Variants in ACYP2 observed in about 807,000 individuals in gnomAD.
ACYP2 encodes acylphosphatase-2.
Under a neutral mutation model 11.2 loss-of-function variants are expected in ACYP2, and 12 were observed. The observed-to-expected ratio is 1.08, with a 90% CI of 0.69 to 1.74. The LOEUF is 1.74. Ranked by LOEUF, ACYP2 falls within the 40% of genes most tolerant of loss-of-function variation. The pLI is 0.00. For missense variants in ACYP2, 134 were observed against 101.9 expected (o/e 1.31, Z -1.35); for synonymous variants, 43 against 32.2 (o/e 1.33, Z -1.13).
chr2:54,293,244 C>A (rs1401206277), intron 6 of ACYP2, among the ~76,000 whole-genome samples: 1 of 152,176 alleles, frequency 6.6e-6, no homozygotes, highest in Non-Finnish European at 1.5e-5. Flanking sequence ...ACTGTGCCAG[C>A]ACCTATTCTG....
rs139324015 is a variant in ACYP2, at chr2:54,177,439, G to C, written c.404+38691G>C. Among the ~76,000 whole-genome samples, 898 of 152,252 alleles carry C rather than the reference G, an allele frequency of 5.9e-3. 11 individuals are homozygous for C. The highest frequency in any genetic ancestry group is 0.014 in the Middle Eastern group (4 of 294). On this transcript the variant is annotated intron_variant, in intron 6 of 6. Coordinates refer to ENST00000607452, the MANE Select transcript of ACYP2 (RefSeq NM_001320586.2). ...GCCTAGGAATGGAAATAGCTCCCTA[G>C]TGCTGCCAGCCCTGGGGTGCTTCAT...
intron 2 of ACYP2, among the ~76,000 whole-genome samples, chr2:54,010,992 A>G (rs546199586): frequency 2.6e-5 from 4 of 151,964 alleles, no homozygotes; most frequent in Non-Finnish European, 5.9e-5. Context: ...TGGACTGCAC[A>G]TGCCTCCTTT....
At chr2:54,219,641 C>T (rs933320671) in intron 6 of ACYP2, among the ~76,000 whole-genome samples, 21 of 151,858 alleles carry the variant, frequency 1.4e-4, no homozygotes, top group Admixed American at 5.2e-4. Context: ...GTTTTTGAGA[C>T]GGAGTCTCGC....
chr2:53,976,297 T>G (rs1671484182), intron 2 of ACYP2, among the ~76,000 whole-genome samples: 1 of 152,184 alleles, frequency 6.6e-6, no homozygotes, highest in Non-Finnish European at 1.5e-5. Flanking sequence ...AGCCTCCACC[T>G]CCTGGGCTCA....
intron 6 of ACYP2, among the ~76,000 whole-genome samples, chr2:54,245,145 G>T (rs1236834315): frequency 6.6e-6 from 1 of 151,838 alleles, no homozygotes; most frequent in African/African-American, 2.4e-5. Context: ...TTAACTTTCT[G>T]TTCCTGGCTA....
At chr2:54,012,799 A>AT (rs1393058754) in intron 2 of ACYP2, among the ~76,000 whole-genome samples, 1 of 152,026 alleles carries the variant, frequency 6.6e-6, no homozygotes, top group Non-Finnish European at 1.5e-5. Context: ...TTTTCCTATT[A>AT]AAAGCTAAGC....
intron 6 of ACYP2, among the ~76,000 whole-genome samples, chr2:54,285,525 A>G (rs1406013360): frequency 1.3e-5 from 2 of 152,206 alleles, no homozygotes; most frequent in Admixed American, 1.3e-4. Flanking sequence ...TCTAAAAAGC[A>G]TCTCATGCTT....
chr2:54,065,686 A>T (rs1676707952), intron 4 of ACYP2: 1 of 394,276 alleles, frequency 2.5e-6, no homozygotes. Context: ...CCTTACACAT[A>T]TTGGTGAATA....
intron 4 of ACYP2, among the ~76,000 whole-genome samples, chr2:54,064,958 C>A (rs376583703): frequency 4.0e-4 from 61 of 152,252 alleles, no homozygotes; most frequent in African/African-American, 1.4e-3. Flanking sequence ...GTGGCACAGG[C>A]CTGTAATCCC....
intron 2 of ACYP2, among the ~76,000 whole-genome samples, chr2:54,037,928 G>A (rs1429098909): frequency 1.3e-5 from 2 of 152,146 alleles, no homozygotes; most frequent in Non-Finnish European, 2.9e-5. Flanking sequence ...GAGCTAGCAG[G>A]TGCTTTTCAC....
intron 4 of ACYP2, among the ~76,000 whole-genome samples, chr2:54,102,813 T>C (rs1678971331): frequency 6.6e-6 from 1 of 152,192 alleles, no homozygotes. Flanking sequence ...TGAGGCAGGC[T>C]TTCTCTCTTG....
intron 4 of ACYP2, among the ~76,000 whole-genome samples, chr2:54,090,163 G>A (rs1678150541): frequency 6.6e-6 from 1 of 151,166 alleles, no homozygotes; most frequent in Non-Finnish European, 1.5e-5. Flanking sequence ...AAAAAAGTTT[G>A]CCCATGTGTT....
At chr2:53,979,687 G>T (rs138163307) in intron 2 of ACYP2, among the ~76,000 whole-genome samples, 1 of 152,022 alleles carries the variant, frequency 6.6e-6, no homozygotes, top group East Asian at 1.9e-4. Context: ...GCAGTACAAT[G>T]TGTGTGTGTT....
At chr2:54,095,557 G>C (rs1166371208) in intron 4 of ACYP2, among the ~76,000 whole-genome samples, 1 of 148,084 alleles carries the variant, frequency 6.8e-6, no homozygotes, top group African/African-American at 2.5e-5. Flanking sequence ...CTGGCTGGGC[G>C]GGGGGCTGAC....
intron 2 of ACYP2, among the ~76,000 whole-genome samples, chr2:54,011,392 C>T (rs978605756): frequency 2.0e-5 from 3 of 152,126 alleles, no homozygotes; most frequent in African/African-American, 7.2e-5. Context: ...TTCATTGGCA[C>T]TGTTTGATGA....
chr2:54,128,650 G>C (rs1680690509), intron 4 of ACYP2, among the ~76,000 whole-genome samples: 1 of 152,100 alleles, frequency 6.6e-6, no homozygotes, highest in Non-Finnish European at 1.5e-5. Context: ...CTGGGCAACA[G>C]AGTGAGACCC....
intron 6 of ACYP2, among the ~76,000 whole-genome samples, chr2:54,277,657 G>A (rs1047837816): frequency 1.5e-4 from 23 of 151,962 alleles, no homozygotes; most frequent in African/African-American, 5.3e-4. Context: ...CAGCCTGGGC[G>A]ATAGAGAGAG....
intron 6 of ACYP2, among the ~76,000 whole-genome samples, chr2:54,239,218 G>T (rs1317935562): frequency 1.3e-5 from 2 of 152,132 alleles, no homozygotes; most frequent in Non-Finnish European, 2.9e-5. Flanking sequence ...ATTGCCTGAA[G>T]TCAGCATGCC....
At chr2:54,152,829 T>C (rs551348415) in intron 6 of ACYP2, among the ~76,000 whole-genome samples, 1 of 152,158 alleles carries the variant, frequency 6.6e-6, no homozygotes, top group South Asian at 2.1e-4. Flanking sequence ...CCAAATTTGT[T>C]ATTTTATTAA....
Sources: allele counts gnomAD v4.1 joint callset (sites outside exome capture counted in the v4.1 genomes callset), GRCh38; gene constraint gnomAD v4.1.1; transcripts MANE v1.5; gene names NCBI Gene and HGNC (gene_info 2026-07-23, HGNC 2026-07-21).